The following TENM3 variants were observed in gnomAD, a reference collection of about 807,000 sequenced individuals.
TENM3 encodes the protein teneurin transmembrane protein 3.
TENM3 carries 63 observed loss-of-function variants against 255.1 expected under a neutral mutation model. That is an observed-to-expected ratio of 0.25 (90% confidence interval 0.20 to 0.30). The LOEUF is 0.30. Among genes scored for constraint, TENM3 ranks in the 10% least tolerant of loss-of-function variants. TENM3 has a pLI of 1.00. For synonymous variants in TENM3, 1,306 were observed against 1,322.3 expected (o/e 0.99, Z 0.27); for missense variants, 2,929 against 3,461.1 (o/e 0.85, Z 3.86).
chr4:181,847,189 A>G, the TENM3 span, among the ~76,000 whole-genome samples: 1 of 152,248 alleles, frequency 6.6e-6, no homozygotes, highest in African/African-American at 2.4e-5. Context: ...CCATATGGAA[A>G]ACGTTATAAC....
chr4:181,809,284 C>T, the TENM3 span, among the ~76,000 whole-genome samples: 2 of 152,198 alleles, frequency 1.3e-5, no homozygotes, highest in South Asian at 2.1e-4. Flanking sequence ...GACCACTGCA[C>T]AGCAGAGTGG....
chr4:181,930,203 A>G, the TENM3 span, among the ~76,000 whole-genome samples: 1 of 152,116 alleles, frequency 6.6e-6, no homozygotes, highest in Non-Finnish European at 1.5e-5. Context: ...ACGAAAAACC[A>G]TTCAAAAAAC....
chr4:182,177,426 G>T (rs988134434), intron 1 of TENM3, among the ~76,000 whole-genome samples: 2 of 151,978 alleles, frequency 1.3e-5, no homozygotes, highest in African/African-American at 4.8e-5. Flanking sequence ...CCCGGGCCCT[G>T]GCTCTACCCG....
intron 1 of TENM3, among the ~76,000 whole-genome samples, chr4:182,199,827 T>C (rs758017781): frequency 2.0e-5 from 3 of 148,522 alleles, no homozygotes; most frequent in Non-Finnish European, 3.0e-5. Flanking sequence ...CCTGGACTCA[T>C]ATGATTTCTC....
At chr4:181,790,854 TTTAGAGGCAAGTTAC>T in the TENM3 span, among the ~76,000 whole-genome samples, 1 of 152,346 alleles carries the variant, frequency 6.6e-6, no homozygotes, top group East Asian at 1.9e-4. Flanking sequence ...TCTGGTGATA[TTTAGAGGCAAGTTAC>T]CTCTGCTTAC....
chr4:181,907,507 T>G, the TENM3 span, among the ~76,000 whole-genome samples: 2 of 152,172 alleles, frequency 1.3e-5, no homozygotes, highest in African/African-American at 2.4e-5. Context: ...CACAGAGGCA[T>G]GTCAGCCCAC....
chr4:181,722,201 A>T, the TENM3 span, among the ~76,000 whole-genome samples: 1 of 152,236 alleles, frequency 6.6e-6, no homozygotes, highest in East Asian at 1.9e-4. Context: ...GGATCAGGGC[A>T]TAATGGAATC....
At chr4:182,606,504 A>G (rs2152422923) in intron 4 of TENM3, among the ~76,000 whole-genome samples, 1 of 141,968 alleles carries the variant, frequency 7.0e-6, no homozygotes, top group Non-Finnish European at 1.5e-5. Context: ...AGCCTGGGCG[A>G]CAGAGGGAGA....
At chr4:181,665,626 TAC>T in the TENM3 span, among the ~76,000 whole-genome samples, 4 of 145,878 alleles carry the variant, frequency 2.7e-5, no homozygotes, top group South Asian at 2.2e-4. Context: ...TGTGTATATA[TAC>T]ACACACATAC....
intron 1 of TENM3, among the ~76,000 whole-genome samples, chr4:182,205,148 A>G (rs1258159047): frequency 6.6e-6 from 1 of 152,206 alleles, no homozygotes; most frequent in Admixed American, 6.5e-5. Flanking sequence ...CTGACTTTGA[A>G]AGCCCACATT....
chr4:182,306,019 G>C (rs1223712324), intron 1 of TENM3, among the ~76,000 whole-genome samples: 1 of 152,108 alleles, frequency 6.6e-6, no homozygotes, highest in Non-Finnish European at 1.5e-5. Context: ...AGGAGCTGGA[G>C]GTGCCTGGCC....
chr4:181,479,930 G>C, the TENM3 span, among the ~76,000 whole-genome samples: 7 of 152,092 alleles, frequency 4.6e-5, no homozygotes, highest in African/African-American at 7.2e-5. Flanking sequence ...CTATGCCGCT[G>C]TATGTTTTTA....
the TENM3 span, among the ~76,000 whole-genome samples, chr4:181,824,594 G>A: frequency 8.5e-5 from 13 of 152,092 alleles, no homozygotes; most frequent in Non-Finnish European, 1.5e-4. Flanking sequence ...TATATGACAT[G>A]AAGGGGAAAG....
At chr4:182,361,539 C>T (rs1262921544) in intron 3 of TENM3, among the ~76,000 whole-genome samples, 70 of 152,236 alleles carry the variant, frequency 4.6e-4, no homozygotes, top group Non-Finnish European at 9.3e-4. Flanking sequence ...GCATTCTTCA[C>T]GTAGTTCTCG....
At chr4:182,331,914 T>G (rs529276239) in intron 2 of TENM3, among the ~76,000 whole-genome samples, 1 of 152,344 alleles carries the variant, frequency 6.6e-6, no homozygotes, top group South Asian at 2.1e-4. Context: ...GTGAGATATT[T>G]TGATTCACTT....
the TENM3 span, among the ~76,000 whole-genome samples, chr4:181,947,166 A>C: frequency 6.6e-6 from 1 of 152,238 alleles, no homozygotes; most frequent in Non-Finnish European, 1.5e-5. Context: ...ACATGAGTAC[A>C]TTGTGGGAAT....
At position 182,768,876 on chromosome 4, in the gene TENM3, A is replaced by C. The variant is rs1205513291; in HGVS notation, c.4893-4596A>C. ...TTTCCAGCGAGAGTCCTTTGTAAAG[A>C]GGGGTCAGGCAGGAGCAGGAAGGAA... On this transcript the variant is annotated intron_variant, in intron 22 of 27. Coordinates refer to ENST00000511685, the MANE Select transcript of TENM3 (RefSeq NM_001080477.4). Among the ~76,000 whole-genome samples, 4 of 152,282 alleles carry C rather than the reference A, an allele frequency of 2.6e-5. No individual in the cohort carries two copies. The East Asian group carries it at 7.7e-4, about 29-fold the overall frequency.
At chr4:182,282,892 CAGAAAAAA>C (rs959395017) in intron 1 of TENM3, among the ~76,000 whole-genome samples, 5 of 89,370 alleles carry the variant, frequency 5.6e-5, no homozygotes, top group African/African-American at 2.5e-4. Flanking sequence ...GACTCCATTT[CAGAAAAAA>C]AAAAAAAAAA....
At chr4:181,780,420 C>A in the TENM3 span, among the ~76,000 whole-genome samples, 3 of 152,198 alleles carry the variant, frequency 2.0e-5, no homozygotes, top group Admixed American at 1.3e-4. Context: ...TGTCTCTTGG[C>A]TGCATAAATG....
Sources: allele counts gnomAD v4.1 joint callset (sites outside exome capture counted in the v4.1 genomes callset), GRCh38; gene constraint gnomAD v4.1.1; transcripts MANE v1.5; gene names NCBI Gene and HGNC (gene_info 2026-07-23, HGNC 2026-07-21).